The following TREH variants were observed in gnomAD, a reference collection of about 807,000 sequenced individuals.
TREH encodes the protein trehalase.
TREH carries 69 observed loss-of-function variants against 80.5 expected under a neutral mutation model. That is an observed-to-expected ratio of 0.86 (90% CI 0.71 to 1.05). The LOEUF (loss-of-function observed/expected upper bound fraction) is 1.05, where lower values mean the gene tolerates loss of function less well. Ranked by LOEUF, TREH falls within the 50% of genes least tolerant of loss-of-function variation. TREH has a pLI of 0.00. For synonymous variants in TREH, 309 were observed against 293.5 expected (o/e 1.05, Z -0.54); for missense variants, 716 against 718.8 (o/e 1.00, Z 0.04).
In TREH at chr11:118,661,420, G is replaced by A; in HGVS notation, c.707C>T (p.Thr236Ile). The change falls in exon 7 of 15, where the codon ACT (threonine) becomes ATT (isoleucine). Residue 236 changes from threonine to isoleucine, a missense_variant. Coordinates refer to ENST00000264029, the MANE Select transcript of TREH (RefSeq NM_007180.3). The surrounding 1 kb of genome is among the most constrained non-coding windows in gnomAD (Gnocchi z 4.2). ...TAGAAAGGCGGTGTCATTGGTGTGA[G>A]TCAAGTAGCAATCCATCATGAGGGT... ...LLTLMMDCYL[T>I]HTNDTAFLQE... 6.2e-7 allele frequency: 1 copy of A among 1,613,984 alleles called. No individual in the cohort carries two copies. The highest frequency in any genetic ancestry group is 8.5e-7 in the Non-Finnish European group (1 of 1,179,860).
chr11:118,668,923 C>T (rs974381553), intron 1 of TREH, among the ~76,000 whole-genome samples: 8 of 151,780 alleles, frequency 5.3e-5, no homozygotes, highest in African/African-American at 1.5e-4. Flanking sequence ...GACTCCATCT[C>T]GGAATGAATA....
intron 1 of TREH, among the ~76,000 whole-genome samples, 174 bp downstream of exon 1, chr11:118,679,365 A>G (rs1416358418): frequency 6.6e-6 from 1 of 152,170 alleles, no homozygotes; most frequent in Non-Finnish European, 1.5e-5. Flanking sequence ...CTGCAGGTGC[A>G]GTGCCCAGCA....
At chr11:118,662,716 TC>T in intron 4 of TREH, 164 bp downstream of exon 4, 1 of 715,960 alleles carries the variant, frequency 1.4e-6, no homozygotes, top group Non-Finnish European at 2.3e-6. Context: ...CCTTCTGACC[TC>T]AGAAGTTCTT....
At chr11:118,673,116 C>T (rs12294955) in intron 1 of TREH, among the ~76,000 whole-genome samples, 1,705 of 152,280 alleles carry the variant, frequency 0.011, 43 homozygotes, top group African/African-American at 0.039. Context: ...CCCTTATTCC[C>T]TGCTGTTTTA....
intron 1 of TREH, among the ~76,000 whole-genome samples, chr11:118,673,079 T>C (rs1301033792): frequency 1.3e-5 from 2 of 152,182 alleles, no homozygotes; most frequent in Non-Finnish European, 2.9e-5. Context: ...TGTGAAGGCA[T>C]GTAAGCCAGC....
chr11:118,659,456 T>C lies in TREH; in HGVS notation c.1346A>G (p.Tyr449Cys), dbSNP rs1949281251. 4.4e-6 allele frequency: 7 copies of C among 1,604,964 alleles called. No individual in the cohort carries two copies. In the East Asian group the frequency reaches 1.6e-4, roughly 36 times the overall value. The change falls in exon 12 of 15, where the codon TAT becomes TGT. Residue 449 changes from tyrosine (Y) to cysteine (C), a missense_variant. Coordinates refer to ENST00000264029, the MANE Select transcript of TREH (RefSeq NM_007180.3). ...LEDNRILTYQ[Y>C]GIPTSLQKTG... ...CTTCTGGAGAGAGGTCGGGATCCCA[T>C]ACTGGTAAGTCAGGATCCGGTTGTC...
chr11:118,667,995 G>T (rs944435075), intron 1 of TREH, among the ~76,000 whole-genome samples: 7 of 151,990 alleles, frequency 4.6e-5, no homozygotes, highest in African/African-American at 1.7e-4. Context: ...CTCCCAAGTT[G>T]CTGGGATTAC....
Position 118,658,752 on chromosome 11 carries a change from G to A in TREH, c.1546-19C>T. On this transcript the variant is annotated intron_variant, in intron 13 of 14. Transcript: ENST00000264029. ...CGTCATACTGGGGACAAGCGGGTGG[G>A]CTGTATGTCAGGTACTGCCCCCCAG... 6.2e-7 allele frequency: 1 copy of A among 1,608,816 alleles called. No individual in the cohort carries two copies. Among genetic ancestry groups the A allele is most frequent in the Non-Finnish European group, 8.5e-7 (1 of 1,177,526 alleles).
In TREH at chr11:118,657,972, G is replaced by C. The variant is rs1471954297; in HGVS notation, c.*317C>G. ...CCTTGGTTGCCTGGGCCCAGGCTGG[G>C]GGTTTTCAGTATTTGTAAGCATTTC... On this transcript the variant is annotated 3_prime_UTR_variant, in exon 15 of 15. Coordinates refer to ENST00000264029, the MANE Select transcript of TREH (RefSeq NM_007180.3). 3.2e-6 allele frequency: 1 copy of C among 311,492 alleles called. No individual in the cohort carries two copies. The allele number at this position is 311,492 out of a possible 1,614,324, so 19.3% of individuals were successfully genotyped here.
At chr11:118,658,501 C>G in intron 14 of TREH, 60 bp from the exon 15 acceptor site, 2 of 1,575,102 alleles carry the variant, frequency 1.3e-6, no homozygotes, top group Non-Finnish European at 1.7e-6. Flanking sequence ...TTGGTGGGGG[C>G]TGTGGGCTCT....
intron 13 of TREH, 29 bp downstream of exon 13, chr11:118,658,876 G>T: frequency 1.2e-6 from 2 of 1,612,582 alleles, no homozygotes; most frequent in Non-Finnish European, 1.7e-6. Context: ...GACAGCCTGG[G>T]GGTGCAGGGA....
intron 12 of TREH, 78 bp downstream of exon 12, chr11:118,659,292 C>A: frequency 8.0e-7 from 1 of 1,254,970 alleles, no homozygotes; most frequent in East Asian, 2.5e-5. Flanking sequence ...GTCTTTTGTT[C>A]ATGCCTCCCC....
chr11:118,660,544 C>T lies in TREH; in HGVS notation c.1097G>A (p.Arg366Lys). The T allele has an allele frequency of 8.1e-6, 13 of 1,600,712 alleles. No individual in the cohort carries two copies. The highest frequency in any genetic ancestry group is 1.1e-5 in the Non-Finnish European group (13 of 1,171,652). Residue 366 changes from arginine to lysine, a missense_variant, in exon 10 of 15, where the codon AGG becomes AAG. By Grantham distance (26) the Arg-to-Lys change is conservative. Transcript: ENST00000264029. ...AEELMSNFYS[R>K]LGNDSQATKY... Reference sequence around the variant, plus strand: ...TTCCCTACTGGGGTGCTCACCCAGCCTGGAATAGAAGTTGCTCATCAGCTC... The same window carrying T: ...TTCCCTACTGGGGTGCTCACCCAGCTTGGAATAGAAGTTGCTCATCAGCTC...
At position 118,662,984 on chromosome 11, in the gene TREH, C is replaced by T; in HGVS notation, c.336-16G>A. On this transcript the variant is annotated splice_polypyrimidine_tract_variant and intron_variant, in intron 3 of 14. Transcript: ENST00000264029. ...GAACTGGGGGCTGAAAGAACACAGG[C>T]CCCACAGGGTTCAAGGAGGCAGCTC... The T allele has an allele frequency of 6.2e-7, 1 of 1,611,576 alleles. No individual in the cohort carries two copies. The highest frequency in any genetic ancestry group is 8.5e-7 in the Non-Finnish European group (1 of 1,178,534).
Position 118,663,195 on chromosome 11 carries a change from T to C in TREH, c.192A>G (p.Glu64=), listed in dbSNP as rs115405278. Residue 64 remains glutamate (E), a splice_region_variant and synonymous_variant, in exon 3 of 15, where the codon GAA becomes GAG. Coordinates refer to ENST00000264029, the MANE Select transcript of TREH (RefSeq NM_007180.3). The stretch of plus-strand genomic sequence containing the variant: ...GCTCAGTGAAGGTCTGCAGGACTTG[T>C]TCTGGAGAGCAGGCAGCAGGGAGGG... ...FVDMPLSIAP[E]QVLQTFTELS... The C allele has an allele frequency of 3.4e-4, 552 of 1,607,226 alleles. 3 individuals carry two copies. In the African/African-American group the frequency reaches 7.0e-3, roughly 20 times the overall value.
chr11:118,671,427 G>A (rs1368847650), intron 1 of TREH, among the ~76,000 whole-genome samples: 7 of 151,904 alleles, frequency 4.6e-5, no homozygotes, highest in Admixed American at 3.3e-4. Context: ...TTTAACAGCC[G>A]AATTGATCAA....
In TREH at chr11:118,661,760, G is replaced by A; in HGVS notation, c.525-31C>T. On this transcript the variant is annotated intron_variant, in intron 5 of 14. Coordinates refer to ENST00000264029, the MANE Select transcript of TREH (RefSeq NM_007180.3). This position sits in a 1 kb window ranked among gnomAD's most constrained non-coding sequence, Gnocchi z 4.2. ...GAAGGGGCAGCTTAGGCACCACCCT[G>A]CTGCCTCCCTCTGCCCTGCACACCA... The A allele has an allele frequency of 2.5e-6, 4 of 1,611,272 alleles. No homozygotes were observed. The highest frequency in any genetic ancestry group is 2.2e-5 in the East Asian group (1 of 44,866).
Position 118,658,680 on chromosome 11 carries a change from C to A in TREH, c.1599G>T (p.Gln533His). The A allele has an allele frequency of 6.3e-7, 1 of 1,592,238 alleles. No homozygotes were observed. The highest frequency in any genetic ancestry group is 8.6e-7 in the Non-Finnish European group (1 of 1,169,224). ...QPGGGGEYEVQEGFGWTNGVV... is the reference protein window; with the variant it reads ...QPGGGGEYEVHEGFGWTNGVV... ...GCCAGCCCACCCCTGGCCTGCTCAC[C>A]TGAACTTCATATTCTCCTCCCCCAC... is the stretch of plus-strand genomic sequence containing the variant. The change falls in exon 14 of 15, where the codon CAG becomes CAT. Residue 533 changes from glutamine (Q) to histidine (H), a missense_variant and splice_region_variant. Coordinates refer to ENST00000264029, the MANE Select transcript of TREH (RefSeq NM_007180.3).
At position 118,661,734 on chromosome 11, in the gene TREH, G is replaced by A. The variant is rs1949324926; in HGVS notation, c.525-5C>T. 1.9e-6 allele frequency: 3 copies of A among 1,613,778 alleles called. No homozygotes were observed. The highest frequency in any genetic ancestry group is 1.1e-5 in the South Asian group (1 of 91,082). The stretch of plus-strand genomic sequence containing the variant: ...TCCATGACCCAGTAGGAGTCCCTGG[G>A]GAAGGGGCAGCTTAGGCACCACCCT... On this transcript the variant is annotated splice_region_variant and splice_polypyrimidine_tract_variant and intron_variant, in intron 5 of 14. Transcript: ENST00000264029. The surrounding 1 kb of genome is among the most constrained non-coding windows in gnomAD (Gnocchi z 4.2).
Sources: allele counts gnomAD v4.1 joint callset (sites outside exome capture counted in the v4.1 genomes callset), GRCh38; gene constraint gnomAD v4.1.1; non-coding constraint Gnocchi (gnomAD v3.1); transcripts MANE v1.5; gene names NCBI Gene and HGNC (gene_info 2026-07-23, HGNC 2026-07-21).